Variants in NOLC1 observed in about 807,000 individuals in gnomAD.
The protein encoded by NOLC1 is 140 kDa nucleolar phosphoprotein.
Under a neutral mutation model 73.4 loss-of-function variants are expected in NOLC1, and 37 were observed. The observed-to-expected ratio is 0.50, with a 90% CI of 0.39 to 0.66. The LOEUF is 0.66. Ranked by LOEUF, NOLC1 falls within the 30% of genes least tolerant of loss-of-function variation. The pLI is 0.00. For synonymous variants in NOLC1, 327 were observed against 302.6 expected, an observed-to-expected ratio of 1.08 and a Z score of -0.84; for missense variants, 921 against 838.9, an observed-to-expected ratio of 1.10 and a Z score of -1.21.
At chr10:102,156,744 T>C (rs2069601955) in intron 1 of NOLC1, among the ~76,000 whole-genome samples, 1 of 152,102 alleles carries the variant, frequency 6.6e-6, no homozygotes, top group African/African-American at 2.4e-5. Context: ...ATTTTTTGTT[T>C]TGTTTTGTTT....
Position 102,160,208 on chromosome 10 carries a change from G to A in NOLC1, c.989-25G>A, listed in dbSNP as rs1293384917. Reference sequence around the variant, plus strand: ...TGGTTGGGTTGGGACTCTGGACCCAGCATAATGCTACAGGTTCTCCTCAGA... The same window carrying A: ...TGGTTGGGTTGGGACTCTGGACCCAACATAATGCTACAGGTTCTCCTCAGA... On this transcript the variant is annotated intron_variant, in intron 8 of 12. Coordinates refer to ENST00000605788, the MANE Select transcript of NOLC1 (RefSeq NM_004741.5). The A allele has an allele frequency of 1.0e-5, 16 of 1,606,322 alleles. No individual in the cohort carries two copies. The East Asian group carries it at 3.6e-4, about 36-fold the overall frequency.
Position 102,160,260 on chromosome 10 carries a change from C to G in NOLC1, c.1016C>G (p.Pro339Arg). 6.2e-7 allele frequency: 1 copy of G among 1,614,078 alleles called. No homozygotes were observed. Among genetic ancestry groups the G allele is most frequent in the Non-Finnish European group, 8.5e-7 (1 of 1,179,994 alleles). ...SDSSSEEEKK[P>R]PTKAVVSKAT... Reference sequence around the variant, plus strand: ...TCAAGTTCTGAAGAAGAGAAGAAACCCCCAACTAAGGCAGTAGTCTCTAAA... The same window carrying G: ...TCAAGTTCTGAAGAAGAGAAGAAACGCCCAACTAAGGCAGTAGTCTCTAAA... Residue 339 changes from proline (P) to arginine (R), a missense_variant, in exon 9 of 13, where the codon CCC becomes CGC. Coordinates refer to ENST00000605788, the MANE Select transcript of NOLC1 (RefSeq NM_004741.5).
chr10:102,163,745 C>G lies in NOLC1; in HGVS notation c.*1476C>G, dbSNP rs2069750200. ...ACTTGCTAAATAACCTGATAATAAC[C>G]TGGTTTTCCATGTAACTGCCTCTAG... On this transcript the variant is annotated 3_prime_UTR_variant, in exon 13 of 13. Transcript: ENST00000605788. 1 of 152,156 alleles carries G rather than the reference C, an allele frequency of 6.6e-6. No individual in the cohort carries two copies. The highest frequency in any genetic ancestry group is 6.5e-5 in the Admixed American group (1 of 15,268). 9.4% of individuals were successfully genotyped at this position (152,156 alleles called of 1,614,324 possible).
At chr10:102,157,407 A>AC (rs1189741398) in intron 3 of NOLC1, 24 bp from the exon 4 acceptor site, 1 of 1,613,972 alleles carries the variant, frequency 6.2e-7, no homozygotes, top group South Asian at 1.1e-5. Flanking sequence ...GCTGATTCTT[A>AC]CTGGGACCTG....
intron 10 of NOLC1, 145 bp downstream of exon 10, chr10:102,161,238 C>CTT (rs11392804): frequency 7.3e-3 from 4,849 of 667,880 alleles, no homozygotes; most frequent in Non-Finnish European, 9.2e-3. Flanking sequence ...AACTGGTTAC[C>CTT]TTTTTTTTTT....
intron 8 of NOLC1, 47 bp downstream of exon 8, chr10:102,160,071 G>T: frequency 1.9e-6 from 3 of 1,600,274 alleles, no homozygotes; most frequent in Non-Finnish European, 2.6e-6. Flanking sequence ...TCTGGAGGAG[G>T]GGATGAGGAA....
At chr10:102,157,973 A>G in intron 4 of NOLC1, 76 bp from the exon 5 acceptor site, 1 of 1,392,648 alleles carries the variant, frequency 7.2e-7, no homozygotes, top group South Asian at 1.3e-5. Context: ...GGCCCCTAAA[A>G]ATAAAAGGAA....
chr10:102,157,323 A>G lies in NOLC1; in HGVS notation c.311A>G (p.Lys104Arg). 4 of 1,613,884 alleles carry G rather than the reference A, an allele frequency of 2.5e-6. No individual in the cohort carries two copies. The highest frequency in any genetic ancestry group is 3.4e-6 in the Non-Finnish European group (4 of 1,179,874). ...GAAGTTCAAGGGCCTCCAGCAAAGAAGGCTGGTAAGGCAGAGTAGCAGGTG... is the reference window on the plus strand; with the variant it reads ...GAAGTTCAAGGGCCTCCAGCAAAGAGGGCTGGTAAGGCAGAGTAGCAGGTG... ...EEEVQGPPAKKAAVPAKRVGL... is the reference protein window; with the variant it reads ...EEEVQGPPAKRAAVPAKRVGL... Residue 104 changes from lysine (K) to arginine (R), a missense_variant, in exon 3 of 13, where the codon AAG becomes AGG. Coordinates refer to ENST00000605788, the MANE Select transcript of NOLC1 (RefSeq NM_004741.5).
chr10:102,159,908 C>T lies in NOLC1; in HGVS notation c.872C>T (p.Ser291Leu), dbSNP rs1316123639. 1 of 1,595,674 alleles carries T rather than the reference C, an allele frequency of 6.3e-7. No homozygotes were observed. The highest frequency in any genetic ancestry group is 8.5e-7 in the Non-Finnish European group (1 of 1,171,954). The change falls in exon 8 of 13, where the codon TCA becomes TTA. Residue 291 changes from serine to leucine, a missense_variant. Coordinates refer to ENST00000605788, the MANE Select transcript of NOLC1 (RefSeq NM_004741.5). ...PMKNKPGPYS[S>L]VPPPSAPPPK... ...CCTTTTTAAACAGGTCCCTACAGTTCAGTCCCCCCGCCTTCTGCTCCCCCA... is the reference window on the plus strand; with the variant it reads ...CCTTTTTAAACAGGTCCCTACAGTTTAGTCCCCCCGCCTTCTGCTCCCCCA...
rs1229046465 is a variant in NOLC1, at chr10:102,163,014, A to G, written c.*745A>G. 6.6e-6 allele frequency: 1 copy of G among 152,110 alleles called. No homozygotes were observed. Among genetic ancestry groups the G allele is most frequent in the African/African-American group, 2.4e-5 (1 of 41,420 alleles). The allele number at this position is 152,110 out of a possible 1,614,324, so 9.4% of individuals were successfully genotyped here. On this transcript the variant is annotated 3_prime_UTR_variant, in exon 13 of 13. Coordinates refer to ENST00000605788, the MANE Select transcript of NOLC1 (RefSeq NM_004741.5). ...GTTTGCAATACGTGCTTTGTTTTTT[A>G]ATTTGAAAGCAAACTTTTCTACTGT...
rs2069632097 is a variant in NOLC1, at chr10:102,158,215, G to T, written c.607+1G>T. The T allele has an allele frequency of 6.2e-7, 1 of 1,613,628 alleles. No individual in the cohort carries two copies. The highest frequency in any genetic ancestry group is 1.3e-5 in the African/African-American group (1 of 75,016). Reference sequence around the variant, plus strand: ...CAGACTAAAGCCCCTCCCAAACCAGGTACTGTTTCTGTTCCCAAGAGGCTG... The same window carrying T: ...CAGACTAAAGCCCCTCCCAAACCAGTTACTGTTTCTGTTCCCAAGAGGCTG... On this transcript the variant is annotated splice_donor_variant, in intron 5 of 12. Coordinates refer to ENST00000605788, the MANE Select transcript of NOLC1 (RefSeq NM_004741.5). LOFTEE classifies it high-confidence loss of function.
rs776907639 is a variant in NOLC1, at chr10:102,160,770, C to G, written c.1418C>G (p.Ser473Ter). The G allele has an allele frequency of 6.2e-7, 1 of 1,614,136 alleles. No homozygotes were observed. The highest frequency in any genetic ancestry group is 8.5e-7 in the Non-Finnish European group (1 of 1,180,050). Residue 473 changes from serine (S) to a stop codon, truncating the protein, a stop_gained, in exon 10 of 13, where the codon TCA becomes TGA. Coordinates refer to ENST00000605788, the MANE Select transcript of NOLC1 (RefSeq NM_004741.5). LOFTEE classifies it high-confidence loss of function. ...GGTAGTAGGGACAGCAGCTCTGATTCAGACAGCTCCAGCAGTGAGGAGGAG... is the reference window on the plus strand; with the variant it reads ...GGTAGTAGGGACAGCAGCTCTGATTGAGACAGCTCCAGCAGTGAGGAGGAG... The part of the protein sequence containing the change: ...PQGSRDSSSD[S>*]DSSSSEEEEE...
In NOLC1 at chr10:102,152,476, G is replaced by C. The variant is rs1438307171; in HGVS notation, c.66G>C (p.Leu22=). The C allele has an allele frequency of 6.2e-7, 1 of 1,613,694 alleles. No homozygotes were observed. Among genetic ancestry groups the C allele is most frequent in the East Asian group, 2.2e-5 (1 of 44,888 alleles). Reference sequence around the variant, plus strand: ...TGTATCCCCTCGTGCTCGGCTTCCTGCGCGATAACCAACTCTCAGAGGTGG... The same window carrying C: ...TGTATCCCCTCGTGCTCGGCTTCCTCCGCGATAACCAACTCTCAGAGGTGG... ...SDLYPLVLGF[L]RDNQLSEVAN... Residue 22 remains leucine, a synonymous_variant, in exon 1 of 13, where the codon CTG becomes CTC. Transcript: ENST00000605788.
At chr10:102,157,954 G>A (rs1345993360) in intron 4 of NOLC1, 95 bp from the exon 5 acceptor site, 6 of 1,119,454 alleles carry the variant, frequency 5.4e-6, no homozygotes, top group African/African-American at 1.6e-5. Context: ...TGCTCTTACT[G>A]CTCCATTAGG....
intron 1 of NOLC1, 57 bp from the exon 2 acceptor site, chr10:102,156,962 A>G (rs1182623524): frequency 6.5e-7 from 1 of 1,533,986 alleles, no homozygotes; most frequent in African/African-American, 1.4e-5. Context: ...GGCCACATTT[A>G]ATGAAAGCAT....
intron 1 of NOLC1, among the ~76,000 whole-genome samples, chr10:102,153,898 C>T (rs1342293428): frequency 1.3e-5 from 2 of 151,854 alleles, no homozygotes; most frequent in Non-Finnish European, 2.9e-5. Flanking sequence ...GTCTTGAACT[C>T]CTGACCTCAA....
Position 102,162,274 on chromosome 10 carries a change from A to G in NOLC1, c.*5A>G. On this transcript the variant is annotated 3_prime_UTR_variant, in exon 13 of 13. Transcript: ENST00000605788. ...ATTAAGTTTGACAGCGAGTGACCTG[A>G]GGCCATCTTCGGTGAAGCAAGGGTG... 1 of 1,613,330 alleles carries G rather than the reference A, an allele frequency of 6.2e-7. No homozygotes were observed. The highest frequency in any genetic ancestry group is 1.7e-5 in the Admixed American group (1 of 59,920).
chr10:102,160,864 C>T lies in NOLC1; in HGVS notation c.1512C>T (p.Ser504=). The change falls in exon 10 of 13, where the codon TCC becomes TCT. Residue 504 remains serine (S), a synonymous_variant. Coordinates refer to ENST00000605788, the MANE Select transcript of NOLC1 (RefSeq NM_004741.5). ...AGGTAGCAGGAGGTGCAGCCCCTTC[C>T]AAGCCAGCCTCTGCAAAGAAAGGAA... is the stretch of plus-strand genomic sequence containing the variant. ...PQKVAGGAAP[S]KPASAKKGKA... The T allele has an allele frequency of 1.9e-6, 3 of 1,614,104 alleles. No individual in the cohort carries two copies. The highest frequency in any genetic ancestry group is 2.5e-6 in the Non-Finnish European group (3 of 1,180,028).
In NOLC1 at chr10:102,157,668, T is replaced by C. The variant is rs1029308648; in HGVS notation, c.441+113T>C. 2.2e-4 allele frequency: 280 copies of C among 1,251,436 alleles called. 5 individuals carry two copies. The South Asian group carries it at 3.1e-3, about 14-fold the overall frequency. 77.5% of individuals were successfully genotyped at this position (1,251,436 alleles called of 1,614,324 possible). Reference sequence around the variant, plus strand: ...ATGGCGGCAATACAATAGGTGATTATGAGGAAGAAAATCTGGGGATTTTCA... The same window carrying C: ...ATGGCGGCAATACAATAGGTGATTACGAGGAAGAAAATCTGGGGATTTTCA... On this transcript the variant is annotated intron_variant, in intron 4 of 12. Coordinates refer to ENST00000605788, the MANE Select transcript of NOLC1 (RefSeq NM_004741.5).
Sources: gnomAD v4.1 joint callset for allele counts (sites outside exome capture counted in the v4.1 genomes callset) on GRCh38, gnomAD v4.1.1 for gene constraint, MANE v1.5 for transcripts, NCBI Gene and HGNC (gene_info 2026-07-23, HGNC 2026-07-21) for gene names.